CDKL4: variants seen among roughly 807,000 people sequenced by gnomAD.
CDKL4 encodes the protein cyclin-dependent kinase-like 4.
A neutral mutation model predicts 42.0 loss-of-function variants in CDKL4; 44 were observed. The observed-to-expected ratio is 1.05, with a 90% CI of 0.82 to 1.35. The LOEUF (loss-of-function observed/expected upper bound fraction) is 1.35, where lower values mean the gene tolerates loss of function less well. Ranked by LOEUF, CDKL4 falls within the 40% of genes most tolerant of loss-of-function variation. CDKL4 has a pLI of 0.00. For missense variants in CDKL4, 393 were observed against 369.9 expected (o/e 1.06, Z -0.51); for synonymous variants, 120 against 121.6 (o/e 0.99, Z 0.09).
downstream of CDKL4, among the ~76,000 whole-genome samples, chr2:39,171,747 G>A (rs1396376505): frequency 6.6e-6 from 1 of 152,222 alleles, no homozygotes; most frequent in Admixed American, 6.5e-5. Context: ...ATACGTGTGT[G>A]TGGAAAGTCT....
intron 4 of CDKL4, among the ~76,000 whole-genome samples, chr2:39,211,258 G>A (rs1211154844): frequency 6.6e-6 from 1 of 152,122 alleles, no homozygotes; most frequent in East Asian, 1.9e-4. Flanking sequence ...GTAGTGGCAT[G>A]TGCCTGTAGT....
intron 8 of CDKL4, among the ~76,000 whole-genome samples, chr2:39,183,520 T>C (rs7595102): frequency 0.11 from 17,366 of 152,166 alleles, 2,560 homozygotes; most frequent in African/African-American, 0.34. Context: ...ACTTGTCCTA[T>C]ATCTTGCAGT....
intron 7 of CDKL4, among the ~76,000 whole-genome samples, chr2:39,186,776 A>G (rs1015075481): frequency 2.6e-5 from 4 of 152,136 alleles, no homozygotes; most frequent in African/African-American, 7.2e-5. Context: ...GAAGACTACT[A>G]TAAGTAGTCT....
In CDKL4 at chr2:39,206,547, C is replaced by T. The variant is rs529344815; in HGVS notation, c.364-1930G>A. Among the ~76,000 whole-genome samples the T allele has an allele frequency of 2.4e-4, 36 of 152,326 alleles. No individual in the cohort carries two copies. In the South Asian group the frequency reaches 7.3e-3, roughly 31 times the overall value. ...CATGGGCATTCCAGAAATGGGTTTC[C>T]ATGTTGCGGAGGTGCTGTGAGAAAA... On this transcript the variant is annotated intron_variant, in intron 4 of 9. Coordinates refer to ENST00000451199, the Ensembl canonical transcript of CDKL4.
chr2:39,226,037 T>G (rs1360537776), intron 2 of CDKL4, 77 bp from the exon 3 acceptor site: 6 of 1,378,648 alleles, frequency 4.4e-6, no homozygotes, highest in African/African-American at 3.0e-5. Context: ...TAAAGAAACT[T>G]AAAGTTGGAA....
upstream of CDKL4, among the ~76,000 whole-genome samples, chr2:39,246,427 T>G (rs1224539312): frequency 6.6e-6 from 1 of 152,190 alleles, no homozygotes; most frequent in Non-Finnish European, 1.5e-5. Context: ...CATCAACCCA[T>G]TTATATCTTC....
intron 5 of CDKL4, among the ~76,000 whole-genome samples, chr2:39,201,395 A>G (rs1676837160): frequency 6.6e-6 from 1 of 152,156 alleles, no homozygotes; most frequent in African/African-American, 2.4e-5. Context: ...TACAACCACT[A>G]TGAAAAACAG....
At chr2:39,214,380 T>C (rs1430068091) in intron 3 of CDKL4, among the ~76,000 whole-genome samples, 2 of 152,302 alleles carry the variant, frequency 1.3e-5, no homozygotes, top group Middle Eastern at 3.4e-3. Context: ...ATTTTATGCA[T>C]AGAGGTACAA....
intron 1 of CDKL4, among the ~76,000 whole-genome samples, chr2:39,238,433 TAA>T (rs952843119): frequency 1.1e-4 from 16 of 152,130 alleles, no homozygotes; most frequent in Non-Finnish European, 2.2e-4. Context: ...ACCCTGTCTC[TAA>T]AAAGCCAAAA....
chr2:39,226,017 C>T, intron 2 of CDKL4, 57 bp from the exon 3 acceptor site: 1 of 1,495,336 alleles, frequency 6.7e-7, no homozygotes. Context: ...AAGCTTCTAC[C>T]CAGACCCCTT....
intron 7 of CDKL4, among the ~76,000 whole-genome samples, chr2:39,185,767 A>G (rs1675797348): frequency 6.6e-6 from 1 of 151,942 alleles, no homozygotes; most frequent in South Asian, 2.1e-4. Context: ...GGCTTTAAAT[A>G]TATTTTTTAA....
At chr2:39,185,444 GTATATATACATA>G (rs1558547718) in intron 7 of CDKL4, among the ~76,000 whole-genome samples, 9 of 7,976 alleles carry the variant, frequency 1.1e-3, no homozygotes, top group African/African-American at 2.1e-3. Context: ...ATATATACAT[GTATATATACATA>G]TGTGTATATA....
chr2:39,200,426 C>G (rs1398676119), intron 5 of CDKL4, among the ~76,000 whole-genome samples: 1 of 152,062 alleles, frequency 6.6e-6, no homozygotes, highest in Non-Finnish European at 1.5e-5. Context: ...AAGCAACCTA[C>G]AAATCCAATG....
At chr2:39,179,203 T>C in exon 9 of CDKL4, 1 of 1,609,172 alleles carries the variant, frequency 6.2e-7, no homozygotes. Flanking sequence ...GCGTCTTCTG[T>C]TTCTTCCTTC....
chr2:39,232,462 A>G (rs1272325597), intron 1 of CDKL4, among the ~76,000 whole-genome samples: 6 of 152,222 alleles, frequency 3.9e-5, no homozygotes, highest in Non-Finnish European at 7.3e-5. Context: ...ACATGAATGG[A>G]CAGAATCATC....
intron 1 of CDKL4, among the ~76,000 whole-genome samples, 24 bp downstream of exon 1, chr2:39,243,847 G>A (rs1679787942): frequency 6.6e-6 from 1 of 152,228 alleles, no homozygotes; most frequent in Admixed American, 6.5e-5. Flanking sequence ...CAGTTCCCCC[G>A]CCACCGGCAG....
intron 3 of CDKL4, among the ~76,000 whole-genome samples, chr2:39,214,831 C>T (rs1316667130): frequency 6.6e-5 from 10 of 152,160 alleles, no homozygotes; most frequent in Non-Finnish European, 1.3e-4. Flanking sequence ...GTGTAAGCTT[C>T]TTGTCCCTGG....
At position 39,191,121 on chromosome 2, in the gene CDKL4, G is replaced by A. The variant is rs116722709; in HGVS notation, c.455-619C>T. Among the ~76,000 whole-genome samples, 732 of 152,202 alleles carry A rather than the reference G, an allele frequency of 4.8e-3. 14 individuals carry two copies. Among genetic ancestry groups the A allele is most frequent in the African/African-American group, 0.017 (691 of 41,518 alleles). On this transcript the variant is annotated intron_variant, in intron 5 of 9. Coordinates refer to ENST00000451199, the Ensembl canonical transcript of CDKL4. ...TCCATCAGAAGCTGGGCTAGAGGCC[G>A]GGCATGGTGGCTCATGCCTCTCATC...
intron 5 of CDKL4, among the ~76,000 whole-genome samples, chr2:39,199,362 A>G (rs1161265728): frequency 6.6e-6 from 1 of 151,968 alleles, no homozygotes; most frequent in Non-Finnish European, 1.5e-5. Context: ...GTTACCAATG[A>G]AAAAAAGTCC....
Sources: allele counts gnomAD v4.1 joint callset (sites outside exome capture counted in the v4.1 genomes callset), GRCh38; gene constraint gnomAD v4.1.1; transcripts MANE v1.5; gene names NCBI Gene and HGNC (gene_info 2026-07-23, HGNC 2026-07-21).